The following SYN3 variants were observed in gnomAD, a reference collection of about 807,000 sequenced individuals.
The protein encoded by SYN3 is synapsin-3.
In SYN3, 35 loss-of-function variants were observed where a neutral mutation model predicts 65.8. The observed-to-expected ratio is 0.53, with a 90% confidence interval of 0.41 to 0.70. SYN3 has a LOEUF of 0.70. Among genes scored for constraint, SYN3 ranks in the 30% least tolerant of loss-of-function variants. SYN3 has a pLI of 0.00. For missense variants in SYN3, 680 were observed against 749.0 expected, an observed-to-expected ratio of 0.91 and a Z score of 1.08; for synonymous variants, 270 against 292.9, an observed-to-expected ratio of 0.92 and a Z score of 0.80.
rs117879722 is a variant in SYN3, at chr22:32,545,895, C to A, written c.775-4182G>T. Among the ~76,000 whole-genome samples the A allele has an allele frequency of 6.1e-3, 926 of 152,128 alleles. 6 individuals carry two copies. Among genetic ancestry groups the A allele is most frequent in the Non-Finnish European group, 9.5e-3 (644 of 68,014 alleles). On this transcript the variant is annotated intron_variant, in intron 7 of 13. Coordinates refer to ENST00000358763, the MANE Select transcript of SYN3 (RefSeq NM_003490.4). ...TTCAAAGCTTCAGGAGAGGCCCTGGCCAAATGTTCCTTTTTATTTTATTTT... is the reference window on the plus strand; with the variant it reads ...TTCAAAGCTTCAGGAGAGGCCCTGGACAAATGTTCCTTTTTATTTTATTTT...
At chr22:32,928,676 A>G (rs1311672084) in intron 4 of SYN3, among the ~76,000 whole-genome samples, 1 of 151,956 alleles carries the variant, frequency 6.6e-6, no homozygotes, top group Non-Finnish European at 1.5e-5. Context: ...ATCCGCTTGA[A>G]ATTTGCCAAG....
At chr22:32,739,943 T>C (rs2061383819) in intron 6 of SYN3, among the ~76,000 whole-genome samples, 1 of 152,196 alleles carries the variant, frequency 6.6e-6, no homozygotes, top group South Asian at 2.1e-4. Context: ...GTCGGACCAC[T>C]ATGAAGTCTC....
intron 1 of SYN3, among the ~76,000 whole-genome samples, chr22:33,009,558 T>C (rs1013229792): frequency 2.6e-5 from 4 of 152,082 alleles, no homozygotes; most frequent in African/African-American, 9.7e-5. Flanking sequence ...TTTCTACCAT[T>C]CTGTGGCTTG....
chr22:32,514,114 T>C (rs1404853419), intron 13 of SYN3, among the ~76,000 whole-genome samples: 1 of 152,212 alleles, frequency 6.6e-6, no homozygotes, highest in African/African-American at 2.4e-5. Context: ...GCCACATTCT[T>C]TCCATTATAC....
chr22:32,814,131 TGTGTGTGTGTGAGAGAGA>T (rs1350610774), intron 6 of SYN3, among the ~76,000 whole-genome samples: 3 of 134,578 alleles, frequency 2.2e-5, no homozygotes, highest in Non-Finnish European at 3.1e-5. Flanking sequence ...TGTGTGTGTG[TGTGTGTGTGTGAGAGAGA>T]GAGAGAGAGA....
intron 6 of SYN3, among the ~76,000 whole-genome samples, chr22:32,744,128 A>G (rs2044857001): frequency 6.6e-6 from 1 of 152,010 alleles, no homozygotes; most frequent in South Asian, 2.1e-4. Context: ...CAGTGCCCTC[A>G]GGAGTTAAGA....
At chr22:32,750,308 G>C (rs966584185) in intron 6 of SYN3, among the ~76,000 whole-genome samples, 1 of 152,186 alleles carries the variant, frequency 6.6e-6, no homozygotes, top group Non-Finnish European at 1.5e-5. Context: ...TCTGAACTAG[G>C]TGTGGGACGG....
intron 6 of SYN3, among the ~76,000 whole-genome samples, chr22:32,812,334 G>T (rs1208522104): frequency 6.6e-6 from 1 of 152,144 alleles, no homozygotes; most frequent in East Asian, 1.9e-4. Context: ...GTGGATGCGG[G>T]CTCTGAACAA....
At chr22:33,053,030 T>C (rs1430138549) in intron 1 of SYN3, among the ~76,000 whole-genome samples, 1 of 152,250 alleles carries the variant, frequency 6.6e-6, no homozygotes, top group Admixed American at 6.5e-5. Context: ...AACATTTTTC[T>C]GAGCATTTTT....
intron 7 of SYN3, among the ~76,000 whole-genome samples, chr22:32,548,666 C>T (rs554384541): frequency 6.6e-6 from 1 of 152,304 alleles, no homozygotes; most frequent in South Asian, 2.1e-4. Context: ...GCCACCGTGC[C>T]TGGCCTAAAA....
intron 3 of SYN3, among the ~76,000 whole-genome samples, chr22:32,975,337 T>C (rs2052152757): frequency 6.7e-6 from 1 of 149,568 alleles, no homozygotes; most frequent in South Asian, 2.1e-4. Context: ...ATCTCACCAT[T>C]GCACTCCAGC....
At chr22:33,030,638 C>T (rs1305751270) in intron 1 of SYN3, among the ~76,000 whole-genome samples, 1 of 146,646 alleles carries the variant, frequency 6.8e-6, no homozygotes, top group Admixed American at 6.8e-5. Flanking sequence ...GACAGAGAAA[C>T]TTATATAGAG....
At chr22:32,907,970 C>T (rs1159846754) in intron 4 of SYN3, among the ~76,000 whole-genome samples, 1 of 152,192 alleles carries the variant, frequency 6.6e-6, no homozygotes, top group Non-Finnish European at 1.5e-5. Flanking sequence ...CCACATTTTA[C>T]AAATGGTGAA....
chr22:32,553,413 A>T (rs2058445482), intron 7 of SYN3, among the ~76,000 whole-genome samples: 1 of 152,270 alleles, frequency 6.6e-6, no homozygotes, highest in Admixed American at 6.5e-5. Context: ...AAATCTGGAA[A>T]AAAAATAATT....
chr22:32,635,050 G>T (rs771339980), intron 6 of SYN3: 7 of 151,994 alleles, frequency 4.6e-5, no homozygotes, highest in Non-Finnish European at 1.0e-4. Context: ...AGACACCCCG[G>T]TCTACTGGGA....
At chr22:32,637,905 CTAGGA>C (rs1160027565) in intron 6 of SYN3, among the ~76,000 whole-genome samples, 1 of 152,138 alleles carries the variant, frequency 6.6e-6, no homozygotes, top group Admixed American at 6.5e-5. Flanking sequence ...TCCCAAAGTG[CTAGGA>C]TTACAGGCAT....
At chr22:33,035,330 A>ACACCCCCCCCC (rs2053834289) in intron 1 of SYN3, among the ~76,000 whole-genome samples, 1 of 31,434 alleles carries the variant, frequency 3.2e-5, no homozygotes, top group Non-Finnish European at 6.9e-5. Context: ...AAATCTCGGG[A>ACACCCCCCCCC]CCCCCCCCCC....
In SYN3 at chr22:32,518,196, T is replaced by G; in HGVS notation, c.1457A>C (p.Gln486Pro). The change falls in exon 13 of 14, where the codon CAG becomes CCG. Residue 486 changes from glutamine to proline, a missense_variant. Coordinates refer to ENST00000358763, the MANE Select transcript of SYN3 (RefSeq NM_003490.4). ...GCTGCCACTGGATGCCCGGGATAGC[T>G]GCGGAGAGCCTGGTGACCTTTGCTG... ...PQQQRSPGSP[Q>P]LSRASSGSSP... is the part of the protein sequence containing the mutation. 1 of 1,613,934 alleles carries G rather than the reference T, an allele frequency of 6.2e-7. No individual in the cohort carries two copies. Among genetic ancestry groups the G allele is most frequent in the Non-Finnish European group, 8.5e-7 (1 of 1,179,990 alleles).
chr22:32,684,831 C>T lies in SYN3; in HGVS notation c.712-88095G>A, dbSNP rs114974241. Reference sequence around the variant, plus strand: ...CTCTTCCAATTACTAGCAGTGTGACCGTCAAAAAGTTACTTGGTTTCTCTG... The same window carrying T: ...CTCTTCCAATTACTAGCAGTGTGACTGTCAAAAAGTTACTTGGTTTCTCTG... On this transcript the variant is annotated intron_variant, in intron 6 of 13. Transcript: ENST00000358763. 3.4e-3 allele frequency among the ~76,000 whole-genome samples: 522 copies of T among 152,234 alleles called. 2 individuals carry two copies. The highest frequency in any genetic ancestry group is 0.012 in the African/African-American group (499 of 41,528).
Sources: allele counts gnomAD v4.1 joint callset (sites outside exome capture counted in the v4.1 genomes callset), GRCh38; gene constraint gnomAD v4.1.1; transcripts MANE v1.5; gene names NCBI Gene and HGNC (gene_info 2026-07-23, HGNC 2026-07-21).